Variants in GAP43 observed in about 807,000 individuals in gnomAD.
GAP43 encodes neuromodulin.
GAP43 carries 6 observed loss-of-function variants against 18.6 expected under a neutral mutation model. The observed-to-expected ratio is 0.32, with a 90% confidence interval of 0.18 to 0.64. GAP43 has a LOEUF of 0.64. GAP43 is among the 30% of genes least tolerant of loss of function. The pLI is 0.78. For synonymous variants in GAP43, 115 were observed against 111.4 expected (o/e 1.03, Z -0.20); for missense variants, 292 against 295.5 (o/e 0.99, Z 0.09).
At chr3:115,669,346 C>A (rs1400170499) in intron 1 of GAP43, among the ~76,000 whole-genome samples, 1 of 152,096 alleles carries the variant, frequency 6.6e-6, no homozygotes, top group African/African-American at 2.4e-5. Context: ...CAAAAATTGA[C>A]AAAATCGAAT....
At chr3:115,649,716 C>A (rs185685815) in intron 1 of GAP43, among the ~76,000 whole-genome samples, 16 of 151,076 alleles carry the variant, frequency 1.1e-4, no homozygotes, top group African/African-American at 3.9e-4. Flanking sequence ...TGATTCCCAC[C>A]TTTAATCCCA....
chr3:115,682,299 C>T (rs912136774), intron 2 of GAP43, among the ~76,000 whole-genome samples: 2 of 152,122 alleles, frequency 1.3e-5, no homozygotes, highest in Admixed American at 6.5e-5. Context: ...CCATCAAATA[C>T]ATCAGTTATG....
At chr3:115,708,624 A>G (rs557405460) in intron 2 of GAP43, among the ~76,000 whole-genome samples, 33 of 152,278 alleles carry the variant, frequency 2.2e-4, no homozygotes, top group African/African-American at 6.7e-4. Flanking sequence ...AAACTGCACC[A>G]TAGAGGTTGT....
intron 2 of GAP43, among the ~76,000 whole-genome samples, chr3:115,706,595 T>C (rs1709366192): frequency 6.6e-6 from 1 of 152,244 alleles, no homozygotes; most frequent in Non-Finnish European, 1.5e-5. Context: ...AAGGCATTAC[T>C]GCTTAGTAGC....
chr3:115,700,517 C>G (rs1368642052), intron 2 of GAP43, among the ~76,000 whole-genome samples: 1 of 152,102 alleles, frequency 6.6e-6, no homozygotes, highest in Non-Finnish European at 1.5e-5. Flanking sequence ...TAGAGTCTTC[C>G]TAGCTGTAAC....
intron 2 of GAP43, among the ~76,000 whole-genome samples, chr3:115,716,690 A>G (rs1311272897): frequency 7.3e-6 from 1 of 137,428 alleles, no homozygotes; most frequent in African/African-American, 2.7e-5. Context: ...AATAATATCA[A>G]GTAAAAAATT....
chr3:115,698,108 A>AATATATATTATATATAATATATAAT (rs1709230354), intron 2 of GAP43, among the ~76,000 whole-genome samples: 1 of 28,430 alleles, frequency 3.5e-5, no homozygotes, highest in African/African-American at 9.1e-5. Context: ...TAATATATAA[A>AATATATATTATATATAATATATAAT]ATATATAATA....
intron 1 of GAP43, among the ~76,000 whole-genome samples, chr3:115,630,067 C>G (rs79629165): frequency 0.051 from 7,823 of 152,220 alleles, 271 homozygotes; most frequent in Non-Finnish European, 0.073. Context: ...TACAGCCCCA[C>G]CCTCTCTGGT....
rs1345080276 is a variant in GAP43 at position 115,705,903 on chromosome 3, G to A, written c.629-14891G>A. ...AATCCTTCGTGGAGGGTGGAGGTCG[G>A]TGCTAACTTCAATCATGTTTGAACA... On this transcript the variant is annotated intron_variant, in intron 2 of 2. Transcript: ENST00000305124. 3.9e-5 allele frequency among the ~76,000 whole-genome samples: 6 copies of A among 152,192 alleles called. No homozygotes were observed. In the East Asian group the frequency reaches 1.2e-3, roughly 29 times the overall value.
chr3:115,684,598 AAAG>A (rs1439664263), intron 2 of GAP43, among the ~76,000 whole-genome samples: 5 of 152,164 alleles, frequency 3.3e-5, no homozygotes, highest in Non-Finnish European at 7.4e-5. Context: ...TTCAGCCCAA[AAAG>A]AAGTAGAGAA....
At chr3:115,668,751 G>A (rs1318867655) in intron 1 of GAP43, among the ~76,000 whole-genome samples, 1 of 152,024 alleles carries the variant, frequency 6.6e-6, no homozygotes, top group Non-Finnish European at 1.5e-5. Context: ...TAGTGAAAAC[G>A]CATATAAGCA....
chr3:115,693,651 G>A (rs1709143198), intron 2 of GAP43, among the ~76,000 whole-genome samples: 1 of 152,080 alleles, frequency 6.6e-6, no homozygotes, highest in Admixed American at 6.6e-5. Flanking sequence ...TGATTTTTCT[G>A]CTAGAGGTGA....
chr3:115,663,707 A>G, intron 1 of GAP43: 2 of 1,505,488 alleles, frequency 1.3e-6, no homozygotes, highest in Non-Finnish European at 1.8e-6. Flanking sequence ...ACAGGAAGAT[A>G]AAATTGGACT....
chr3:115,715,912 A>G (rs192678261), intron 2 of GAP43, among the ~76,000 whole-genome samples: 2 of 152,300 alleles, frequency 1.3e-5, no homozygotes, highest in Admixed American at 6.5e-5. Flanking sequence ...ACTCTGTCCT[A>G]CGTTGGAATT....
Position 115,716,717 on chromosome 3 carries a change from AATATATATATATATATATAT to A in GAP43, c.629-4045_629-4026del, listed in dbSNP as rs3995850. Among the ~76,000 whole-genome samples the A allele has an allele frequency of 7.9e-3, 349 of 43,938 alleles. 5 individuals are homozygous for A. Among genetic ancestry groups the A allele is most frequent in the African/African-American group, 0.022 (297 of 13,368 alleles). 28.8% of individuals were successfully genotyped at this position (43,938 alleles called of 152,430 possible). A position where few individuals can be genotyped will look rare whatever the true frequency, so the allele number is the denominator to read the frequency against. On this transcript the variant is annotated intron_variant, in intron 2 of 2. Transcript: ENST00000305124. ...TAAAAAATTACTTTAATCTCAGACA[AATATATATATATATATATAT>A]ATATATATATATATATATATATATA...
intron 1 of GAP43, among the ~76,000 whole-genome samples, chr3:115,666,151 G>GT (rs756988961): frequency 1.5e-4 from 23 of 152,062 alleles, no homozygotes; most frequent in Non-Finnish European, 1.6e-4. Context: ...GTAAGTTAGA[G>GT]AAGACTGAGA....
chr3:115,639,414 C>G (rs1238042159), intron 1 of GAP43, among the ~76,000 whole-genome samples: 2 of 152,072 alleles, frequency 1.3e-5, no homozygotes, highest in Admixed American at 6.6e-5. Flanking sequence ...GCCAATTATT[C>G]TGCTTCCTAA....
chr3:115,712,113 C>T (rs1709447803), intron 2 of GAP43, among the ~76,000 whole-genome samples: 1 of 152,056 alleles, frequency 6.6e-6, no homozygotes, highest in Non-Finnish European at 1.5e-5. Context: ...CTTGTACCTT[C>T]TTTGGCTTTA....
chr3:115,704,652 A>AGAAG (rs1709338646), intron 2 of GAP43, among the ~76,000 whole-genome samples: 1 of 152,082 alleles, frequency 6.6e-6, no homozygotes, highest in South Asian at 2.1e-4. Flanking sequence ...GAAGGAAGAA[A>AGAAG]GAAGGGAGAG....
Sources: gnomAD v4.1 joint callset for allele counts (sites outside exome capture counted in the v4.1 genomes callset) on GRCh38, gnomAD v4.1.1 for gene constraint, MANE v1.5 for transcripts, NCBI Gene and HGNC (gene_info 2026-07-23, HGNC 2026-07-21) for gene names.